Variants in RIC8B observed in about 807,000 individuals in gnomAD.
RIC8B encodes the protein chaperone Ric-8B.
RIC8B carries 16 observed loss-of-function variants against 57.5 expected under a neutral mutation model. That is an observed-to-expected ratio of 0.28 (90% CI 0.19 to 0.42). RIC8B has a LOEUF of 0.42. RIC8B is among the 10% of genes least tolerant of loss of function. The pLI is 1.00. For missense variants in RIC8B, 481 were observed against 677.0 expected, an observed-to-expected ratio of 0.71 and a Z score of 3.21; for synonymous variants, 216 against 250.8, an observed-to-expected ratio of 0.86 and a Z score of 1.31.
At chr12:106,849,164 C>A (rs1453809603) in intron 6 of RIC8B, among the ~76,000 whole-genome samples, 1 of 151,396 alleles carries the variant, frequency 6.6e-6, no homozygotes, top group Non-Finnish European at 1.5e-5. Flanking sequence ...TGGTGGATAC[C>A]CCATTTACCC....
intron 2 of RIC8B, among the ~76,000 whole-genome samples, chr12:106,812,367 T>C (rs1232886579): frequency 1.3e-5 from 2 of 152,190 alleles, no homozygotes; most frequent in Non-Finnish European, 2.9e-5. Context: ...GCTATTCCAA[T>C]TTGTCTTCAG....
intron 7 of RIC8B, among the ~76,000 whole-genome samples, chr12:106,856,145 C>G (rs1330858522): frequency 6.6e-6 from 1 of 152,148 alleles, no homozygotes; most frequent in Non-Finnish European, 1.5e-5. Flanking sequence ...TCCCACACCA[C>G]CATCTTAGTG....
At chr12:106,864,145 A>G (rs983093080) in intron 8 of RIC8B, among the ~76,000 whole-genome samples, 3 of 152,160 alleles carry the variant, frequency 2.0e-5, no homozygotes, top group African/African-American at 7.2e-5. Context: ...GAATCAGTGT[A>G]TCATTTATAT....
chr12:106,869,068 C>T (rs1003236521), intron 8 of RIC8B, among the ~76,000 whole-genome samples: 6 of 152,142 alleles, frequency 3.9e-5, no homozygotes, highest in African/African-American at 1.4e-4. Flanking sequence ...CTTGGCTATT[C>T]CCATCCCCTT....
chr12:106,804,498 A>G (rs908874735), intron 2 of RIC8B, among the ~76,000 whole-genome samples: 19 of 152,172 alleles, frequency 1.2e-4, no homozygotes, highest in Admixed American at 5.9e-4. Flanking sequence ...GTGAGCCACC[A>G]TGCCTAGGCT....
intron 2 of RIC8B, chr12:106,798,213 G>T: frequency 2.0e-6 from 1 of 495,552 alleles, no homozygotes; most frequent in Non-Finnish European, 3.6e-6. Flanking sequence ...CTCGGTAGCT[G>T]GCTTTTTTCT....
intron 2 of RIC8B, among the ~76,000 whole-genome samples, chr12:106,806,199 G>T (rs988067891): frequency 6.6e-6 from 1 of 152,056 alleles, no homozygotes; most frequent in Non-Finnish European, 1.5e-5. Flanking sequence ...CGCCCACCTC[G>T]GCCTCCCAAA....
chr12:106,844,043 A>T, intron 6 of RIC8B, 96 bp downstream of exon 6: 1 of 884,656 alleles, frequency 1.1e-6, no homozygotes. Context: ...ATTTTGTTTC[A>T]GATAATCAGA....
At chr12:106,822,438 A>G (rs2045899374) in intron 3 of RIC8B, 1 of 152,220 alleles carries the variant, frequency 6.6e-6, no homozygotes, top group African/African-American at 2.4e-5. Context: ...ATCAAATGAC[A>G]TGTAAAAATT....
Position 106,871,471 on chromosome 12 carries a change from T to TAAAAAAAAAAA in RIC8B, c.1571+546_1571+556dup, listed in dbSNP as rs1387727022. The TAAAAAAAAAAA allele has an allele frequency of 6.1e-4, 19 of 30,918 alleles. 1 individual carries two copies. Among genetic ancestry groups the TAAAAAAAAAAA allele is most frequent in the Admixed American group, 1.4e-3 (3 of 2,126 alleles). The allele number at this position is 30,918 out of a possible 1,614,324, so 1.9% of individuals were successfully genotyped here. A position where few individuals can be genotyped will look rare whatever the true frequency, so the allele number is the denominator to read the frequency against. ...AGGGACTTGTATTAATTAGGAGTTC[T>TAAAAAAAAAAA]AAAAAAAAAAAAAAAAAAAAAAAAA... On this transcript the variant is annotated intron_variant, in intron 9 of 9. Transcript: ENST00000392837.
intron 3 of RIC8B, chr12:106,823,152 T>C (rs2045927905): frequency 4.5e-6 from 1 of 220,468 alleles, no homozygotes; most frequent in Non-Finnish European, 9.4e-6. Context: ...CACACCCTCT[T>C]TCCTCATTAA....
At chr12:106,868,917 T>A (rs1438613286) in intron 8 of RIC8B, among the ~76,000 whole-genome samples, 1 of 149,446 alleles carries the variant, frequency 6.7e-6, no homozygotes, top group Non-Finnish European at 1.5e-5. Context: ...TCAAAGTTTC[T>A]CAAGTGATTC....
intron 7 of RIC8B, among the ~76,000 whole-genome samples, chr12:106,854,031 C>G (rs1949607448): frequency 6.6e-6 from 1 of 152,122 alleles, no homozygotes; most frequent in Non-Finnish European, 1.5e-5. Context: ...ACACTTGGCT[C>G]ACTGTTGGGG....
intron 4 of RIC8B, among the ~76,000 whole-genome samples, chr12:106,841,786 A>G (rs1948959988): frequency 6.6e-6 from 1 of 152,156 alleles, no homozygotes; most frequent in South Asian, 2.1e-4. Context: ...CATGGAAGAA[A>G]ATATGTTTGT....
chr12:106,818,051 A>AT lies in RIC8B; in HGVS notation c.741+2754dup, dbSNP rs890855669. Among the ~76,000 whole-genome samples the AT allele has an allele frequency of 2.6e-3, 398 of 152,310 alleles. 2 individuals carry two copies. Among genetic ancestry groups the AT allele is most frequent in the African/African-American group, 8.4e-3 (350 of 41,562 alleles). On this transcript the variant is annotated intron_variant, in intron 3 of 9. Coordinates refer to ENST00000392837, the MANE Select transcript of RIC8B (RefSeq NM_001330145.2). Reference sequence around the variant, plus strand: ...GAAGAATCCAACTTTTAAAATAAACATTTTTTTCCTTTTTATGAAAATAAT... The same window carrying AT: ...GAAGAATCCAACTTTTAAAATAAACATTTTTTTTCCTTTTTATGAAAATAAT...
At chr12:106,816,942 C>T (rs2045602099) in intron 3 of RIC8B, among the ~76,000 whole-genome samples, 1 of 152,118 alleles carries the variant, frequency 6.6e-6, no homozygotes, top group Non-Finnish European at 1.5e-5. Context: ...GTATCTCTGA[C>T]CTAGTACCTG....
At chr12:106,782,532 G>A (rs1464350505) in intron 1 of RIC8B, among the ~76,000 whole-genome samples, 3 of 152,148 alleles carry the variant, frequency 2.0e-5, no homozygotes, top group East Asian at 1.9e-4. Context: ...CACCTCCGTC[G>A]TAGTCTTCCC....
At chr12:106,798,771 AT>A (rs902965106) in intron 2 of RIC8B, among the ~76,000 whole-genome samples, 29 of 151,896 alleles carry the variant, frequency 1.9e-4, no homozygotes, top group African/African-American at 5.3e-4. Context: ...AGTCTTTATC[AT>A]TTTTTTCCCC....
chr12:106,774,896 C>A, intron 1 of RIC8B, 67 bp downstream of exon 1: 1 of 1,158,038 alleles, frequency 8.6e-7, no homozygotes, highest in Non-Finnish European at 1.2e-6. Context: ...TTGCACATCG[C>A]ATCCTTCCCC....
Sources: allele counts gnomAD v4.1 joint callset (sites outside exome capture counted in the v4.1 genomes callset), GRCh38; gene constraint gnomAD v4.1.1; transcripts MANE v1.5; gene names NCBI Gene and HGNC (gene_info 2026-07-23, HGNC 2026-07-21).